The following STAT4 variants were observed in gnomAD, a reference collection of about 807,000 sequenced individuals.
The protein encoded by STAT4 is signal transducer and activator of transcription 4.
Under a neutral mutation model 110.5 loss-of-function variants are expected in STAT4, and 42 were observed. The ratio of observed to expected loss-of-function variants is 0.38; its 90% CI spans 0.30 to 0.49. The LOEUF is 0.49. STAT4 is among the 20% of genes least tolerant of loss of function. The pLI is 0.95. For synonymous variants in STAT4, 284 were observed against 302.2 expected (o/e 0.94, Z 0.63); for missense variants, 632 against 887.9 (o/e 0.71, Z 3.66).
chr2:191,033,807 CT>C lies in STAT4; in HGVS notation c.1715+103del. 1.5e-6 allele frequency: 2 copies of C among 1,338,886 alleles called. No individual in the cohort carries two copies. The highest frequency in any genetic ancestry group is 2.1e-6 in the Non-Finnish European group (2 of 975,240). 82.9% of individuals were successfully genotyped at this position (1,338,886 alleles called of 1,614,324 possible). On this transcript the variant is annotated intron_variant, in intron 19 of 23. Coordinates refer to ENST00000392320, the MANE Select transcript of STAT4 (RefSeq NM_003151.4). This position sits in a 1 kb window ranked among gnomAD's most constrained non-coding sequence, Gnocchi z 6.9. ...AATAAGAAATTGCAACTATTTTTTT[CT>C]GTGGTACTAAACATGCTTAAGAGAA...
At chr2:191,097,277 T>C (rs1355229364) in intron 3 of STAT4, among the ~76,000 whole-genome samples, 1 of 152,148 alleles carries the variant, frequency 6.6e-6, no homozygotes, top group Non-Finnish European at 1.5e-5. Flanking sequence ...TACTTTGAAG[T>C]TTTTATGGAA....
At position 191,062,682 on chromosome 2, in the gene STAT4, T is replaced by G; in HGVS notation, c.941+80A>C. 1 of 1,519,760 alleles carries G rather than the reference T, an allele frequency of 6.6e-7. No individual in the cohort carries two copies. Among genetic ancestry groups the G allele is most frequent in the Middle Eastern group, 1.7e-4 (1 of 5,812 alleles). 94.1% of individuals were successfully genotyped at this position (1,519,760 alleles called of 1,614,324 possible). A position where few individuals can be genotyped will look rare whatever the true frequency, so the allele number is the denominator to read the frequency against. ...GTTGTTGAATACTTCCCTGCCACTC[T>G]TCCACCTAAACACCAAAACCTTAGG... On this transcript the variant is annotated intron_variant, in intron 9 of 23. Coordinates refer to ENST00000392320, the MANE Select transcript of STAT4 (RefSeq NM_003151.4). The surrounding 1 kb of genome is among the most constrained non-coding windows in gnomAD (Gnocchi z 4.9).
chr2:191,137,331 CA>C (rs35298719), intron 3 of STAT4, among the ~76,000 whole-genome samples: 2 of 149,710 alleles, frequency 1.3e-5, no homozygotes, highest in Non-Finnish European at 3.0e-5. Flanking sequence ...GGCTCCATCT[CA>C]AAAAAAAGAA....
At chr2:191,120,031 C>T (rs115764641) in intron 3 of STAT4, among the ~76,000 whole-genome samples, 16,059 of 152,076 alleles carry the variant, frequency 0.11, 1,137 homozygotes, top group Middle Eastern at 0.18. Flanking sequence ...TATCTCGTTC[C>T]AGATATAAAA....
chr2:191,111,904 T>C (rs1437613713), intron 3 of STAT4, among the ~76,000 whole-genome samples: 1 of 152,032 alleles, frequency 6.6e-6, no homozygotes, highest in East Asian at 1.9e-4. Flanking sequence ...TCTAATTGGA[T>C]TGAACTCTAG....
chr2:191,121,515 A>G (rs1239473758), intron 3 of STAT4, among the ~76,000 whole-genome samples: 1 of 152,152 alleles, frequency 6.6e-6, no homozygotes, highest in Non-Finnish European at 1.5e-5. Flanking sequence ...AAAACTTGGA[A>G]CCAACCCAAA....
At chr2:191,096,021 G>T (rs1574150798) in intron 3 of STAT4, among the ~76,000 whole-genome samples, 1 of 152,158 alleles carries the variant, frequency 6.6e-6, no homozygotes, top group East Asian at 1.9e-4. Context: ...AAATCTAGAA[G>T]AAATGGATAA....
chr2:191,030,875 C>A lies in STAT4; in HGVS notation c.2220+97G>T. 1 of 1,112,782 alleles carries A rather than the reference C, an allele frequency of 9.0e-7. No homozygotes were observed. The allele number at this position is 1,112,782 out of a possible 1,614,324, so 68.9% of individuals were successfully genotyped here. A position where few individuals can be genotyped will look rare whatever the true frequency, so the allele number is the denominator to read the frequency against. ...ATTTGTTCCAATAAATGTGTTTTCT[C>A]CCTACCCAGGCAGTATTTCAGCCCC... On this transcript the variant is annotated intron_variant, in intron 23 of 23. Coordinates refer to ENST00000392320, the MANE Select transcript of STAT4 (RefSeq NM_003151.4). This position sits in a 1 kb window ranked among gnomAD's most constrained non-coding sequence, Gnocchi z 4.4.
chr2:191,071,051 A>C (rs912450819), intron 5 of STAT4, among the ~76,000 whole-genome samples: 3 of 152,342 alleles, frequency 2.0e-5, no homozygotes, highest in African/African-American at 7.2e-5. Flanking sequence ...GAAAAGAAAC[A>C]AAGTAGTAGC....
At chr2:191,070,265 C>T (rs1370264572) in intron 5 of STAT4, among the ~76,000 whole-genome samples, 1 of 152,006 alleles carries the variant, frequency 6.6e-6, no homozygotes, top group East Asian at 1.9e-4. Context: ...TCCCGTTATT[C>T]TGTCTTTGAG....
chr2:191,085,181 GAA>G (rs1255990169), intron 3 of STAT4, among the ~76,000 whole-genome samples: 1 of 151,514 alleles, frequency 6.6e-6, no homozygotes, highest in East Asian at 1.9e-4. Flanking sequence ...TGAAATCTTT[GAA>G]TTATCATTTT....
intron 3 of STAT4, among the ~76,000 whole-genome samples, chr2:191,114,306 C>T (rs1698507413): frequency 6.6e-6 from 1 of 151,992 alleles, no homozygotes; most frequent in Non-Finnish European, 1.5e-5. Context: ...ATAAATTTTG[C>T]TGGTTATTTG....
Position 191,107,770 on chromosome 2 carries a change from T to C in STAT4, c.274-31445A>G, listed in dbSNP as rs1698320215. Among the ~76,000 whole-genome samples the C allele has an allele frequency of 1.3e-5, 2 of 152,250 alleles. No individual in the cohort carries two copies. Among genetic ancestry groups the C allele is most frequent in the Non-Finnish European group, 2.9e-5 (2 of 68,044 alleles). The stretch of plus-strand genomic sequence containing the variant: ...CCAGATTACTACCATACCTTCCTGA[T>C]GTCCTAACGTATGGTCACAGGAAGA... On this transcript the variant is annotated intron_variant, in intron 3 of 23. Coordinates refer to ENST00000392320, the MANE Select transcript of STAT4 (RefSeq NM_003151.4). The surrounding 1 kb of genome is among the most constrained non-coding windows in gnomAD (Gnocchi z 4.2).
Position 191,032,941 on chromosome 2 carries a change from A to T in STAT4, c.2044+17T>A. ...ATCTTAAGGAAAAAAAAACAAAAAC[A>T]AACAGAAAAACCTAACCTTCGCAAG... On this transcript the variant is annotated intron_variant, in intron 21 of 23. Coordinates refer to ENST00000392320, the MANE Select transcript of STAT4 (RefSeq NM_003151.4). This position sits in a 1 kb window ranked among gnomAD's most constrained non-coding sequence, Gnocchi z 4.9. 1 of 1,575,592 alleles carries T rather than the reference A, an allele frequency of 6.3e-7. No homozygotes were observed. Among genetic ancestry groups the T allele is most frequent in the Non-Finnish European group, 8.6e-7 (1 of 1,166,684 alleles).
Position 191,066,004 on chromosome 2 carries a change from A to G in STAT4, c.630+426T>C, listed in dbSNP as rs1696975400. ...GAAATCTAGGAAATTGCTTAACACT[A>G]CGTCATTTCTCAGAGTAGAAACTAG... On this transcript the variant is annotated intron_variant, in intron 7 of 23. Coordinates refer to ENST00000392320, the MANE Select transcript of STAT4 (RefSeq NM_003151.4). The surrounding 1 kb of genome is among the most constrained non-coding windows in gnomAD (Gnocchi z 4.3). Among the ~76,000 whole-genome samples, 4 of 152,158 alleles carry G rather than the reference A, an allele frequency of 2.6e-5. No homozygotes were observed. The highest frequency in any genetic ancestry group is 2.6e-4 in the Admixed American group (4 of 15,270).
intron 13 of STAT4, 64 bp downstream of exon 13, chr2:191,057,954 G>T: frequency 7.7e-7 from 1 of 1,293,512 alleles, no homozygotes; most frequent in Non-Finnish European, 1.1e-6. Flanking sequence ...ATTATAAGGC[G>T]TATTAGTAAA....
intron 3 of STAT4, among the ~76,000 whole-genome samples, chr2:191,078,679 A>G (rs1185366941): frequency 6.6e-6 from 1 of 152,152 alleles, no homozygotes; most frequent in East Asian, 1.9e-4. Context: ...TAGTGGGAGG[A>G]AGGAAGCAGC....
rs949964081 is a variant in STAT4, at chr2:191,083,048, G to A, written c.274-6723C>T. ...TCAAATAAAGGGAGAATTTTCTAGA[G>A]GGCCTGAAACAGGAGGCATTAGTGA... is the stretch of plus-strand genomic sequence containing the variant. On this transcript the variant is annotated intron_variant, in intron 3 of 23. Coordinates refer to ENST00000392320, the MANE Select transcript of STAT4 (RefSeq NM_003151.4). This position sits in a 1 kb window ranked among gnomAD's most constrained non-coding sequence, Gnocchi z 4.6. Among the ~76,000 whole-genome samples the A allele has an allele frequency of 2.6e-4, 40 of 152,202 alleles. No individual in the cohort carries two copies. The highest frequency in any genetic ancestry group is 9.6e-4 in the African/African-American group (40 of 41,454).
chr2:191,032,893 C>T lies in STAT4; in HGVS notation c.2044+65G>A. 1 of 1,478,834 alleles carries T rather than the reference C, an allele frequency of 6.8e-7. No individual in the cohort carries two copies. The highest frequency in any genetic ancestry group is 9.2e-7 in the Non-Finnish European group (1 of 1,092,286). The allele number at this position is 1,478,834 out of a possible 1,614,324, so 91.6% of individuals were successfully genotyped here. On this transcript the variant is annotated intron_variant, in intron 21 of 23. Transcript: ENST00000392320. The surrounding 1 kb of genome is among the most constrained non-coding windows in gnomAD (Gnocchi z 4.9). ...GAAGGGGAACTTCATTTACTTTGCTCCAATATGAGGTTATTTTCCAAAATC... is the reference window on the plus strand; with the variant it reads ...GAAGGGGAACTTCATTTACTTTGCTTCAATATGAGGTTATTTTCCAAAATC...
Sources: allele counts gnomAD v4.1 joint callset (sites outside exome capture counted in the v4.1 genomes callset), GRCh38; gene constraint gnomAD v4.1.1; non-coding constraint Gnocchi (gnomAD v3.1); transcripts MANE v1.5; gene names NCBI Gene and HGNC (gene_info 2026-07-23, HGNC 2026-07-21).